Variants in DMD observed in about 807,000 individuals in gnomAD.
The protein encoded by DMD is mutant dystrophin.
DMD carries 63 observed loss-of-function variants against 330.1 expected under a neutral mutation model. The ratio of observed to expected loss-of-function variants is 0.19; its 90% CI spans 0.16 to 0.24. DMD has a LOEUF of 0.24. Among genes scored for constraint, DMD ranks in the 10% least tolerant of loss-of-function variants. DMD has a pLI of 1.00. For synonymous variants in DMD, 1,223 were observed against 959.8 expected, an observed-to-expected ratio of 1.27 and a Z score of -5.07; for missense variants, 3,344 against 2,684.1, an observed-to-expected ratio of 1.25 and a Z score of -5.43.
At chrX:32,805,357 G>C (rs929422272) in intron 7 of DMD, among the ~76,000 whole-genome samples, 1 of 111,554 alleles carries the variant, frequency 9.0e-6, no homozygotes, top group African/African-American at 3.3e-5. Flanking sequence ...CAGAAGAAAA[G>C]ATATCAGAGA....
intron 43 of DMD, among the ~76,000 whole-genome samples, chrX:32,280,122 T>A (rs1314628768): frequency 1.0e-5 from 1 of 98,494 alleles, no homozygotes; most frequent in Admixed American, 1.1e-4. Flanking sequence ...TATATATTTA[T>A]ATATGTGTGT....
chrX:33,273,079 C>T (rs1335346853), intron 1 of DMD, among the ~76,000 whole-genome samples: 1 of 111,413 alleles, frequency 9.0e-6, no homozygotes, highest in African/African-American at 3.3e-5. Flanking sequence ...AAGCATTACC[C>T]TGAGATGTAA....
chrX:31,183,286 A>G (rs1464154589), intron 67 of DMD, among the ~76,000 whole-genome samples: 1 of 109,055 alleles, frequency 9.2e-6, no homozygotes, highest in Non-Finnish European at 1.9e-5. Context: ...ATAAAATTTC[A>G]AAGGAGGGGG....
At chrX:31,879,212 G>GGGT (rs1457284561) in intron 47 of DMD, among the ~76,000 whole-genome samples, 4 of 102,881 alleles carry the variant, frequency 3.9e-5, no homozygotes, top group African/African-American at 1.0e-4. Flanking sequence ...TACATGGCGG[G>GGGT]GGGGGGCCTC....
chrX:32,129,789 A>C (rs1472805400), intron 44 of DMD, among the ~76,000 whole-genome samples: 1 of 108,168 alleles, frequency 9.2e-6, no homozygotes. Context: ...CATTATGTCC[A>C]AGATTTTTTC....
intron 2 of DMD, among the ~76,000 whole-genome samples, chrX:33,011,004 G>A (rs1043787801): frequency 9.0e-6 from 1 of 111,365 alleles, no homozygotes; most frequent in South Asian, 3.7e-4. Context: ...ATTCCAATGC[G>A]TTTTGCTGCA....
intron 63 of DMD, among the ~76,000 whole-genome samples, chrX:31,251,564 G>A (rs896129431): frequency 1.8e-5 from 2 of 111,863 alleles, no homozygotes; most frequent in Admixed American, 1.9e-4. Flanking sequence ...CATCCACTAT[G>A]TCATAAGAGA....
intron 2 of DMD, among the ~76,000 whole-genome samples, chrX:32,946,282 A>C (rs1403792082): frequency 9.0e-6 from 1 of 111,115 alleles, no homozygotes; most frequent in African/African-American, 3.3e-5. Flanking sequence ...CTTATTCATT[A>C]ATTTTTAAAT....
At chrX:31,962,854 C>T (rs1350521541) in intron 45 of DMD, among the ~76,000 whole-genome samples, 2 of 111,341 alleles carry the variant, frequency 1.8e-5, no homozygotes, top group Admixed American at 9.6e-5. Context: ...GGGACAGATC[C>T]TGGGGGCAAA....
intron 67 of DMD, among the ~76,000 whole-genome samples, chrX:31,198,474 AC>A (rs777481544): frequency 1.8e-5 from 2 of 111,946 alleles, no homozygotes; most frequent in East Asian, 5.6e-4. Flanking sequence ...GATGATGGAC[AC>A]CCCAATTACT....
intron 1 of DMD, among the ~76,000 whole-genome samples, chrX:33,141,889 C>T (rs1239241110): frequency 8.9e-6 from 1 of 111,788 alleles, no homozygotes; most frequent in African/African-American, 3.3e-5. Context: ...TTAATTTACT[C>T]GCCATGAAAA....
intron 15 of DMD, among the ~76,000 whole-genome samples, chrX:32,566,859 T>C (rs914861655): frequency 9.0e-6 from 1 of 111,727 alleles, no homozygotes; most frequent in Non-Finnish European, 1.9e-5. Flanking sequence ...GGAAGAGAAA[T>C]AAAGGAGAAA....
In DMD at chrX:32,809,719, T is replaced by C. The variant is rs2077205024; in HGVS notation, c.531-108A>G. On this transcript the variant is annotated intron_variant, in intron 6 of 78. Coordinates refer to ENST00000357033, the MANE Select transcript of DMD (RefSeq NM_004006.3). ...AATTTTCATTGACAACCAATGCCCA[T>C]AGTCCTTAAGTCTTGAGTGTAATTC... 4 of 626,167 alleles carry C rather than the reference T, an allele frequency of 6.4e-6. No homozygotes were observed. The Admixed American group carries it at 9.3e-5, about 15-fold the overall frequency. The allele number at this position is 626,167 out of a possible 1,213,427, so 51.6% of individuals were successfully genotyped here.
chrX:32,993,131 A>T (rs765650999), intron 2 of DMD, among the ~76,000 whole-genome samples: 1 of 111,418 alleles, frequency 9.0e-6, no homozygotes, highest in South Asian at 3.7e-4. Flanking sequence ...GACTGACACA[A>T]TTATAAAACC....
chrX:32,805,120 C>T (rs191613810), intron 7 of DMD, among the ~76,000 whole-genome samples: 39 of 111,624 alleles, frequency 3.5e-4, no homozygotes, highest in African/African-American at 1.2e-3. Context: ...ATGAGTATGA[C>T]GAATTGACAT....
intron 6 of DMD, among the ~76,000 whole-genome samples, chrX:32,810,140 A>G (rs182043266): frequency 9.1e-6 from 1 of 110,340 alleles, no homozygotes; most frequent in Non-Finnish European, 1.9e-5. Flanking sequence ...AATGCTGAGG[A>G]TGTATACCTT....
chrX:32,530,064 C>T (rs933581615), intron 17 of DMD, among the ~76,000 whole-genome samples: 4 of 111,775 alleles, frequency 3.6e-5, no homozygotes, highest in African/African-American at 9.7e-5. Flanking sequence ...ATTTCTGTGG[C>T]GTTTACCTTG....
intron 1 of DMD, among the ~76,000 whole-genome samples, chrX:33,246,198 G>A (rs2052660587): frequency 8.9e-6 from 1 of 111,920 alleles, no homozygotes; most frequent in African/African-American, 3.3e-5. Flanking sequence ...GTCCTGATGT[G>A]ATATTAAGAT....
At chrX:32,302,506 CTTATT>C (rs1285655731) in intron 42 of DMD, among the ~76,000 whole-genome samples, 2 of 111,158 alleles carry the variant, frequency 1.8e-5, no homozygotes, top group African/African-American at 6.5e-5. Context: ...TATGTATTCT[CTTATT>C]TTAAAGTTTT....
Sources: gnomAD v4.1 joint callset for allele counts (sites outside exome capture counted in the v4.1 genomes callset) on GRCh38, gnomAD v4.1.1 for gene constraint, MANE v1.5 for transcripts, NCBI Gene and HGNC (gene_info 2026-07-23, HGNC 2026-07-21) for gene names.